The following TTC28 variants were observed in gnomAD, a reference collection of about 807,000 sequenced individuals.
TTC28 encodes tetratricopeptide repeat protein 28.
Under a neutral mutation model 198.0 loss-of-function variants are expected in TTC28, and 61 were observed. The ratio of observed to expected loss-of-function variants is 0.31; its 90% CI spans 0.25 to 0.38. The LOEUF (loss-of-function observed/expected upper bound fraction) is 0.38. TTC28 is among the 10% of genes least tolerant of loss of function. TTC28 has a pLI of 1.00. For missense variants in TTC28, 2,678 were observed against 3,164.0 expected (o/e 0.85, Z 3.69); for synonymous variants, 1,171 against 1,297.8 (o/e 0.90, Z 2.10).
chr22:28,378,772 GT>G (rs1569292453), intron 2 of TTC28, among the ~76,000 whole-genome samples: 1 of 152,124 alleles, frequency 6.6e-6, no homozygotes, highest in Non-Finnish European at 1.5e-5. Context: ...GCAGGACAGT[GT>G]TTTCATAGAG....
chr22:28,607,000 C>T (rs900029622), intron 2 of TTC28, among the ~76,000 whole-genome samples: 1 of 152,074 alleles, frequency 6.6e-6, no homozygotes, highest in East Asian at 1.9e-4. Flanking sequence ...ACTCTCTGAC[C>T]TTCCTCTGAA....
At chr22:28,359,828 T>C (rs1448429095) in intron 2 of TTC28, among the ~76,000 whole-genome samples, 1 of 152,124 alleles carries the variant, frequency 6.6e-6, no homozygotes, top group Non-Finnish European at 1.5e-5. Flanking sequence ...AACTTCACAA[T>C]ACCATTTGGC....
At chr22:28,345,033 A>G (rs1048083761) in intron 2 of TTC28, among the ~76,000 whole-genome samples, 1 of 152,238 alleles carries the variant, frequency 6.6e-6, no homozygotes, top group Non-Finnish European at 1.5e-5. Flanking sequence ...CAACTGAGTT[A>G]GGATTCAAAC....
chr22:28,631,077 C>T (rs2051165798), intron 1 of TTC28, among the ~76,000 whole-genome samples: 1 of 152,108 alleles, frequency 6.6e-6, no homozygotes, highest in African/African-American at 2.4e-5. Context: ...TACAACTGCA[C>T]CTGTGAATAG....
intron 6 of TTC28, among the ~76,000 whole-genome samples, chr22:28,111,213 A>AT (rs998392834): frequency 5.9e-5 from 9 of 151,964 alleles, no homozygotes; most frequent in Non-Finnish European, 8.8e-5. Context: ...TAAAAACAGT[A>AT]TTTTTGGACT....
intron 2 of TTC28, among the ~76,000 whole-genome samples, chr22:28,365,312 C>T (rs1307101341): frequency 6.6e-6 from 1 of 152,072 alleles, no homozygotes; most frequent in Non-Finnish European, 1.5e-5. Flanking sequence ...ACTGGGAAAC[C>T]CAAAAATTCA....
At chr22:28,546,665 T>A (rs915075129) in intron 2 of TTC28, among the ~76,000 whole-genome samples, 14 of 152,130 alleles carry the variant, frequency 9.2e-5, no homozygotes, top group African/African-American at 3.4e-4. Context: ...AGACTTGCAC[T>A]CGAATGTTCA....
chr22:28,224,263 T>C (rs1243875712), intron 5 of TTC28, among the ~76,000 whole-genome samples: 4 of 152,172 alleles, frequency 2.6e-5, no homozygotes, highest in Admixed American at 2.6e-4. Flanking sequence ...GCAGTAGGTC[T>C]GGGGCAGGAT....
chr22:28,672,956 C>T (rs191843195), intron 1 of TTC28, among the ~76,000 whole-genome samples: 1 of 152,092 alleles, frequency 6.6e-6, no homozygotes, highest in Admixed American at 6.5e-5. Context: ...TTTGAGATCC[C>T]ACTTGATAAA....
At chr22:28,297,552 G>T in intron 4 of TTC28, 28 bp downstream of exon 4, 1 of 1,537,018 alleles carries the variant, frequency 6.5e-7, no homozygotes, top group Non-Finnish European at 8.8e-7. Flanking sequence ...TTCCCTTTCT[G>T]CACTGAAATA....
intron 2 of TTC28, among the ~76,000 whole-genome samples, chr22:28,339,619 G>A (rs567268380): frequency 8.4e-4 from 128 of 152,184 alleles, no homozygotes; most frequent in African/African-American, 2.9e-3. Flanking sequence ...CCTCGCTGCC[G>A]CCTTGCAGTT....
intron 5 of TTC28, among the ~76,000 whole-genome samples, chr22:28,270,502 G>A (rs1289098868): frequency 2.0e-5 from 3 of 151,502 alleles, no homozygotes; most frequent in African/African-American, 7.3e-5. Flanking sequence ...TTTTCAGATT[G>A]TCATAAATGC....
chr22:28,077,074 C>T (rs531896284), intron 12 of TTC28, among the ~76,000 whole-genome samples: 120 of 152,310 alleles, frequency 7.9e-4, no homozygotes, highest in African/African-American at 2.7e-3. Context: ...TATGTAGCCA[C>T]TATCTTAGGC....
chr22:28,445,374 T>C (rs2047687071), intron 2 of TTC28, among the ~76,000 whole-genome samples: 1 of 152,152 alleles, frequency 6.6e-6, no homozygotes, highest in Non-Finnish European at 1.5e-5. Context: ...ATGAATTAGG[T>C]GGTCAATAAT....
chr22:28,201,639 G>A (rs750053609), intron 5 of TTC28, among the ~76,000 whole-genome samples: 2 of 151,132 alleles, frequency 1.3e-5, no homozygotes, highest in Admixed American at 6.6e-5. Context: ...AATGAGAGAG[G>A]ATGGCAGCAA....
At chr22:28,631,439 T>G (rs1049932741) in intron 1 of TTC28, among the ~76,000 whole-genome samples, 2 of 152,214 alleles carry the variant, frequency 1.3e-5, no homozygotes, top group Non-Finnish European at 2.9e-5. Context: ...TTTTCAAAAT[T>G]ACTAAGTTTT....
At chr22:28,485,017 G>C (rs537672468) in intron 2 of TTC28, among the ~76,000 whole-genome samples, 1 of 152,248 alleles carries the variant, frequency 6.6e-6, no homozygotes, top group South Asian at 2.1e-4. Context: ...ATGATATTAT[G>C]ACAGGGTTAT....
At chr22:28,401,217 C>G (rs1342106665) in intron 2 of TTC28, among the ~76,000 whole-genome samples, 4 of 149,858 alleles carry the variant, frequency 2.7e-5, no homozygotes, top group African/African-American at 1.0e-4. Context: ...ATGACGATGA[C>G]GATGACGACG....
chr22:28,674,169 T>A (rs1300741295), intron 1 of TTC28, among the ~76,000 whole-genome samples: 1 of 151,978 alleles, frequency 6.6e-6, no homozygotes, highest in Non-Finnish European at 1.5e-5. Flanking sequence ...TCTTCTTTAG[T>A]GGTTCCTCAA....
Sources: allele counts gnomAD v4.1 joint callset (sites outside exome capture counted in the v4.1 genomes callset), GRCh38; gene constraint gnomAD v4.1.1; transcripts MANE v1.5; gene names NCBI Gene and HGNC (gene_info 2026-07-23, HGNC 2026-07-21).